The following SEMA4D variants were observed in gnomAD, a reference collection of about 807,000 sequenced individuals.
SEMA4D encodes the protein semaphorin-4D.
In SEMA4D, 22 loss-of-function variants were observed where a neutral mutation model predicts 74.8. The ratio of observed to expected loss-of-function variants is 0.29; its 90% CI spans 0.21 to 0.42. SEMA4D has a LOEUF of 0.42. Among genes scored for constraint, SEMA4D ranks in the 10% least tolerant of loss-of-function variants. The pLI is 1.00. For missense variants in SEMA4D, 937 were observed against 1,118.4 expected (o/e 0.84, Z 2.31); for synonymous variants, 445 against 463.7 (o/e 0.96, Z 0.52).
intron 4 of SEMA4D, among the ~76,000 whole-genome samples, chr9:89,400,405 A>G (rs1343198242): frequency 6.6e-6 from 1 of 152,218 alleles, no homozygotes; most frequent in African/African-American, 2.4e-5. Flanking sequence ...ACCAGTAACA[A>G]TGTATTTTTC....
Position 89,430,339 on chromosome 9 carries a change from C to T in SEMA4D, c.-243-24640G>A, listed in dbSNP as rs566917748. Among the ~76,000 whole-genome samples the T allele has an allele frequency of 1.5e-3, 230 of 152,288 alleles. 1 individual carries two copies. The highest frequency in any genetic ancestry group is 5.2e-3 in the African/African-American group (218 of 41,550). ...ACACACTGTGTCAAGGGGCCTGGAC[C>T]CCACTTACTGGGTGAGTTAGATGCC... is the stretch of plus-strand genomic sequence containing the variant. On this transcript the variant is annotated intron_variant, in intron 2 of 15. Coordinates refer to ENST00000422704, the MANE Select transcript of SEMA4D (RefSeq NM_001371194.2).
rs1345956145 is a variant in SEMA4D, at chr9:89,391,418, GC to G, written c.623-4del. The G allele has an allele frequency of 1.9e-6, 3 of 1,614,182 alleles. No individual in the cohort carries two copies. Among genetic ancestry groups the G allele is most frequent in the Non-Finnish European group, 2.5e-6 (3 of 1,180,016 alleles). On this transcript the variant is annotated splice_polypyrimidine_tract_variant and splice_region_variant and intron_variant, in intron 8 of 15. Coordinates refer to ENST00000422704, the MANE Select transcript of SEMA4D (RefSeq NM_001371194.2). ...GTCAGCAAACACGAAACTAGGCTCTGCAGAGAGAGGACAGTGATTATCCCAG... is the reference window on the plus strand; with the variant it reads ...GTCAGCAAACACGAAACTAGGCTCTGAGAGAGAGGACAGTGATTATCCCAG...
At chr9:89,415,697 G>A (rs13302612) in intron 2 of SEMA4D, among the ~76,000 whole-genome samples, 17,916 of 152,196 alleles carry the variant, frequency 0.12, 1,387 homozygotes, top group Non-Finnish European at 0.17. Context: ...CCCAGCCTCC[G>A]GAATGGATAA....
At chr9:89,371,840 TGGG>T (rs1454621504) in intron 16 of SEMA4D, among the ~76,000 whole-genome samples, 12 of 19,962 alleles carry the variant, frequency 6.0e-4, no homozygotes, top group Admixed American at 7.2e-4. Context: ...TGGTGTGTGT[TGGG>T]GGTGTGGTGT....
chr9:89,440,489 C>T (rs565773151), intron 2 of SEMA4D, among the ~76,000 whole-genome samples: 4 of 145,792 alleles, frequency 2.7e-5, no homozygotes, highest in African/African-American at 9.8e-5. Flanking sequence ...ATCACCCTGG[C>T]CCCTGAGCCC....
chr9:89,474,743 A>G (rs957342022), intron 1 of SEMA4D, among the ~76,000 whole-genome samples: 5 of 152,228 alleles, frequency 3.3e-5, no homozygotes, highest in African/African-American at 7.2e-5. Flanking sequence ...CCCTCAAAGA[A>G]GAGAAAAAAG....
intron 1 of SEMA4D, among the ~76,000 whole-genome samples, chr9:89,474,570 G>A (rs1861296195): frequency 6.6e-6 from 1 of 152,146 alleles, no homozygotes; most frequent in Non-Finnish European, 1.5e-5. Context: ...CAGAACCCGT[G>A]GGTGATTTTT....
intron 1 of SEMA4D, among the ~76,000 whole-genome samples, chr9:89,462,645 C>T (rs569838947): frequency 6.6e-6 from 1 of 152,130 alleles, no homozygotes; most frequent in East Asian, 1.9e-4. Context: ...AACAACACCT[C>T]CTATTTAAAG....
At chr9:89,388,265 A>C (rs1487802250) in intron 11 of SEMA4D, among the ~76,000 whole-genome samples, 1 of 152,236 alleles carries the variant, frequency 6.6e-6, no homozygotes, top group East Asian at 1.9e-4. Context: ...TTTCTACATA[A>C]AGTTCACTAT....
At chr9:89,384,502 A>G (rs937708080) in intron 13 of SEMA4D, 6 of 273,788 alleles carry the variant, frequency 2.2e-5, no homozygotes, top group Non-Finnish European at 3.3e-5. Context: ...AAGAGTTTGT[A>G]TTTCACAGGT....
chr9:89,420,291 C>G (rs747705914), intron 2 of SEMA4D, among the ~76,000 whole-genome samples: 1 of 152,218 alleles, frequency 6.6e-6, no homozygotes, highest in African/African-American at 2.4e-5. Flanking sequence ...TCTTTCTCAG[C>G]GTGCAACCCC....
rs1340424117 is a variant in SEMA4D, at chr9:89,397,295, G to A, written c.316-460C>T. ...AATATATTTTACTCTTGCTAAGTAC[G>A]TGGACCACTTGTTCTGTTGCCAGGC... On this transcript the variant is annotated intron_variant, in intron 5 of 15. Coordinates refer to ENST00000422704, the MANE Select transcript of SEMA4D (RefSeq NM_001371194.2). Among the ~76,000 whole-genome samples the A allele has an allele frequency of 2.6e-5, 4 of 152,184 alleles. No homozygotes were observed. In the South Asian group the frequency reaches 8.3e-4, roughly 32 times the overall value.
intron 1 of SEMA4D, among the ~76,000 whole-genome samples, chr9:89,476,422 C>T (rs892652855): frequency 2.3e-4 from 35 of 152,148 alleles, no homozygotes; most frequent in Non-Finnish European, 5.0e-4. Flanking sequence ...GGAGGTATTA[C>T]TTTTTTAATG....
intron 5 of SEMA4D, among the ~76,000 whole-genome samples, chr9:89,399,040 A>C (rs1415338772): frequency 6.6e-6 from 1 of 152,214 alleles, no homozygotes; most frequent in African/African-American, 2.4e-5. Flanking sequence ...ATAAACTTTA[A>C]AAAAGTATTT....
intron 2 of SEMA4D, among the ~76,000 whole-genome samples, chr9:89,441,555 G>C (rs552152492): frequency 2.6e-5 from 4 of 152,342 alleles, no homozygotes; most frequent in Non-Finnish European, 5.9e-5. Context: ...ACTGTGTCAG[G>C]ATCAGAATGC....
downstream of SEMA4D, among the ~76,000 whole-genome samples, chr9:89,373,960 C>T (rs1379048267): frequency 2.0e-5 from 3 of 152,264 alleles, no homozygotes; most frequent in Admixed American, 6.5e-5. Context: ...TTCACAGCCA[C>T]AGCCCCTCTG....
chr9:89,413,421 T>A (rs1165038807), intron 2 of SEMA4D, among the ~76,000 whole-genome samples: 1 of 152,198 alleles, frequency 6.6e-6, no homozygotes, highest in African/African-American at 2.4e-5. Context: ...CATGTCTGCG[T>A]GTATGTATAT....
Position 89,484,689 on chromosome 9 carries a change from TGTGTGGTATGTG to T in SEMA4D, c.-310+13218_-310+13229del, listed in dbSNP as rs1825018369. Among the ~76,000 whole-genome samples the T allele has an allele frequency of 6.6e-6, 1 of 151,240 alleles. No individual in the cohort carries two copies. The highest frequency in any genetic ancestry group is 3.4e-3 in the Middle Eastern group (1 of 294). On this transcript the variant is annotated intron_variant, in intron 1 of 15. Coordinates refer to ENST00000422704, the MANE Select transcript of SEMA4D (RefSeq NM_001371194.2). This position sits in a 1 kb window ranked among gnomAD's most constrained non-coding sequence, Gnocchi z 4.1. ...GTGTGTATGTAGTGTGGTGGCTGTG[TGTGTGGTATGTG>T]ATGTGGTGTATGGATGTGTTGTGTG...
chr9:89,380,451 C>A (rs1378496420), intron 15 of SEMA4D, among the ~76,000 whole-genome samples: 1 of 152,192 alleles, frequency 6.6e-6, no homozygotes, highest in African/African-American at 2.4e-5. Flanking sequence ...CCTGCCTCAG[C>A]CTCCCTAGTA....
Sources: gnomAD v4.1 joint callset for allele counts (sites outside exome capture counted in the v4.1 genomes callset) on GRCh38, gnomAD v4.1.1 for gene constraint, Gnocchi (gnomAD v3.1) non-coding constraint, MANE v1.5 for transcripts, NCBI Gene and HGNC (gene_info 2026-07-23, HGNC 2026-07-21) for gene names.